The following TMEM63A variants were observed in gnomAD, a reference collection of about 807,000 sequenced individuals.
The protein encoded by TMEM63A is transmembrane protein 63A.
In TMEM63A, 76 loss-of-function variants were observed where a neutral mutation model predicts 100.6. The ratio of observed to expected loss-of-function variants is 0.76; its 90% CI spans 0.63 to 0.91. The LOEUF (loss-of-function observed/expected upper bound fraction) is 0.91. Among genes scored for constraint, TMEM63A ranks in the 40% least tolerant of loss-of-function variants. TMEM63A has a pLI of 0.00. For missense variants in TMEM63A, 876 were observed against 1,008.8 expected (o/e 0.87, Z 1.78); for synonymous variants, 401 against 401.1 (o/e 1.00, Z 0.00).
intron 3 of TMEM63A, among the ~76,000 whole-genome samples, chr1:225,876,740 C>T (rs989952334): frequency 6.6e-6 from 1 of 151,964 alleles, no homozygotes; most frequent in Admixed American, 6.6e-5. Flanking sequence ...CTCTGCCTCC[C>T]AGGTTCAAGC....
intron 3 of TMEM63A, among the ~76,000 whole-genome samples, chr1:225,876,063 CAAAAAAAAAAAAAAAAA>C (rs532420561): frequency 0.032 from 1,067 of 32,926 alleles, 21 homozygotes; most frequent in South Asian, 0.077. Flanking sequence ...GACCTTGTCT[CAAAAAAAAAAAAAAAAA>C]AAAAAAAAAA....
intron 1 of TMEM63A, among the ~76,000 whole-genome samples, chr1:225,881,407 G>A (rs1179539720): frequency 6.6e-6 from 1 of 152,234 alleles, no homozygotes; most frequent in Non-Finnish European, 1.5e-5. Flanking sequence ...GAAGCTGTCT[G>A]CCTTTATTTT....
Position 225,857,062 on chromosome 1 carries a change from C to T in TMEM63A, c.1378-45G>A, listed in dbSNP as rs192380269. 4.2e-5 allele frequency: 63 copies of T among 1,497,506 alleles called. No individual in the cohort carries two copies. The East Asian group carries it at 1.5e-3, about 35-fold the overall frequency. 92.8% of individuals were successfully genotyped at this position (1,497,506 alleles called of 1,614,324 possible). On this transcript the variant is annotated intron_variant, in intron 15 of 24. Coordinates refer to ENST00000366835, the MANE Select transcript of TMEM63A (RefSeq NM_014698.3). The stretch of plus-strand genomic sequence containing the variant: ...CAGAGAGAGTCACAGGGGCCGTGGG[C>T]CACGCGGCTCTGAGGCCATGACCTA...
intron 6 of TMEM63A, among the ~76,000 whole-genome samples, chr1:225,868,470 G>A (rs1265692224): frequency 6.6e-6 from 1 of 151,748 alleles, no homozygotes; most frequent in East Asian, 1.9e-4. Context: ...GAGGTCAGGA[G>A]TTCGAGACCA....
chr1:225,859,107 ACCCCACTCCTGT>A (rs1264600931), intron 15 of TMEM63A, 77 bp downstream of exon 15: 6 of 1,574,966 alleles, frequency 3.8e-6, no homozygotes, highest in Non-Finnish European at 5.2e-6. Flanking sequence ...CCCCGCACAC[ACCCCACTCCTGT>A]CCCCACTCCT....
chr1:225,851,682 T>C (rs1217794959), intron 20 of TMEM63A, among the ~76,000 whole-genome samples: 2 of 152,250 alleles, frequency 1.3e-5, no homozygotes, highest in Non-Finnish European at 2.9e-5. Context: ...GGTTCTTTTT[T>C]AAAAAATAAA....
intron 15 of TMEM63A, among the ~76,000 whole-genome samples, chr1:225,858,380 C>T (rs1669754083): frequency 7.2e-6 from 1 of 138,308 alleles, no homozygotes; most frequent in Non-Finnish European, 1.5e-5. Flanking sequence ...GGCTGGAGTG[C>T]AGTGGTGCAA....
Position 225,852,063 on chromosome 1 carries a change from T to C in TMEM63A, c.1903+601A>G, listed in dbSNP as rs367983785. ...GAAAGCAGCACGAGAGCTTTGATTG[T>C]GACTCTGGCACTGTCTTACTTGCTG... On this transcript the variant is annotated intron_variant, in intron 20 of 24. Transcript: ENST00000366835. Among the ~76,000 whole-genome samples the C allele has an allele frequency of 3.3e-5, 5 of 152,280 alleles. No homozygotes were observed. In the East Asian group the frequency reaches 5.8e-4, roughly 18 times the overall value.
rs138645976 is a variant in TMEM63A, at chr1:225,862,790, T to A, written c.808A>T (p.Ile270Phe). 167 of 1,613,786 alleles carry A rather than the reference T, an allele frequency of 1.0e-4. No homozygotes were observed. Among genetic ancestry groups the A allele is most frequent in the Non-Finnish European group, 1.9e-5 (22 of 1,180,006 alleles). The change falls in exon 11 of 25, where the codon ATC becomes TTC. Residue 270 changes from isoleucine to phenylalanine, a missense_variant. Transcript: ENST00000366835. The surrounding 1 kb of genome is among the most constrained non-coding windows in gnomAD (Gnocchi z 5.1). ...ACTCACTTCTCCTTGCACAGGTAGA[T>A]CAGTTTGGCCACGTTGTAGCACAGC... is the stretch of plus-strand genomic sequence containing the variant. ...VQLCYNVAKL[I>F]YLCKEKKKTE...
chr1:225,857,376 C>CGGGG (rs1213111924), intron 15 of TMEM63A, among the ~76,000 whole-genome samples: 1 of 3,270 alleles, frequency 3.1e-4, no homozygotes, highest in African/African-American at 6.2e-4. Flanking sequence ...GAGTCCTGGC[C>CGGGG]GGCGGGGCGG....
intron 6 of TMEM63A, among the ~76,000 whole-genome samples, chr1:225,870,186 C>T (rs1576106366): frequency 6.6e-6 from 1 of 152,010 alleles, no homozygotes; most frequent in East Asian, 2.0e-4. Context: ...CCTGTCTCTA[C>T]TAAAAATACA....
chr1:225,848,750 A>C, intron 22 of TMEM63A, 147 bp downstream of exon 22: 2 of 820,010 alleles, frequency 2.4e-6, no homozygotes, highest in Non-Finnish European at 3.9e-6. Context: ...GCACCCAACC[A>C]CCCACGCCTT....
chr1:225,869,578 C>T (rs1283299215), intron 6 of TMEM63A, among the ~76,000 whole-genome samples: 1 of 152,010 alleles, frequency 6.6e-6, no homozygotes, highest in African/African-American at 2.4e-5. Context: ...AGGCCCAGAA[C>T]ATTTCATCCT....
rs1400038670 is a variant in TMEM63A at position 225,879,276 on chromosome 1, G to A, written c.-71C>T. 1 of 152,242 alleles carries A rather than the reference G, an allele frequency of 6.6e-6. No homozygotes were observed. Among genetic ancestry groups the A allele is most frequent in the East Asian group, 1.9e-4 (1 of 5,194 alleles). 9.4% of individuals were successfully genotyped at this position (152,242 alleles called of 1,614,324 possible). A position where few individuals can be genotyped will look rare whatever the true frequency, so the allele number is the denominator to read the frequency against. On this transcript the variant is annotated 5_prime_UTR_variant, in exon 2 of 25. Coordinates refer to ENST00000366835, the MANE Select transcript of TMEM63A (RefSeq NM_014698.3). The stretch of plus-strand genomic sequence containing the variant: ...GGCCCGTTGGAGAGGTCCTCAGTTG[G>A]AGCTGTCTCTGGCAAAGGCAAAAGC...
chr1:225,871,045 C>T, intron 6 of TMEM63A, 31 bp downstream of exon 6: 1 of 1,612,126 alleles, frequency 6.2e-7, no homozygotes, highest in Non-Finnish European at 8.5e-7. Flanking sequence ...AGCCCAAAGG[C>T]CCCCCAGCAG....
chr1:225,843,388 T>A (rs1576044579), downstream of TMEM63A, among the ~76,000 whole-genome samples: 2 of 152,136 alleles, frequency 1.3e-5, no homozygotes, highest in African/African-American at 4.8e-5. Flanking sequence ...CTGAAGCAGG[T>A]ACACTGGGGC....
chr1:225,875,466 G>A (rs1372708341), intron 3 of TMEM63A, among the ~76,000 whole-genome samples: 4 of 152,170 alleles, frequency 2.6e-5, no homozygotes, highest in Admixed American at 6.5e-5. Flanking sequence ...GATCAGAAAC[G>A]GGGGTTTTGA....
chr1:225,869,992 C>G (rs1670421594), intron 6 of TMEM63A, among the ~76,000 whole-genome samples: 1 of 151,998 alleles, frequency 6.6e-6, no homozygotes, highest in Admixed American at 6.6e-5. Flanking sequence ...GAGGTGTACG[C>G]TATCGTTATA....
downstream of TMEM63A, chr1:225,844,467 G>T (rs1185921685): frequency 2.5e-6 from 4 of 1,613,942 alleles, no homozygotes; most frequent in Non-Finnish European, 3.4e-6. Context: ...ATGTGGCACT[G>T]AGAGTGGGGC....
Sources: allele counts gnomAD v4.1 joint callset (sites outside exome capture counted in the v4.1 genomes callset), GRCh38; gene constraint gnomAD v4.1.1; non-coding constraint Gnocchi (gnomAD v3.1); transcripts MANE v1.5; gene names NCBI Gene and HGNC (gene_info 2026-07-23, HGNC 2026-07-21).